The following PLEKHN1 variants were observed in gnomAD, a reference collection of about 807,000 sequenced individuals.
PLEKHN1 encodes pleckstrin homology domain containing N1, also known as pleckstrin homology domain-containing family N member 1.
In PLEKHN1, 68 loss-of-function variants were observed where a neutral mutation model predicts 72.8. The observed-to-expected ratio is 0.93, with a 90% CI of 0.77 to 1.14. PLEKHN1 has a LOEUF of 1.14. PLEKHN1 is among the 50% of genes most tolerant of loss of function. The pLI, the probability that PLEKHN1 is intolerant of heterozygous loss-of-function variation, is 0.00. For synonymous variants in PLEKHN1, 454 were observed against 371.6 expected, an observed-to-expected ratio of 1.22 and a Z score of -2.55; for missense variants, 1,015 against 840.5, an observed-to-expected ratio of 1.21 and a Z score of -2.57.
chr1:969,897 A>G (rs1375057951), intron 2 of PLEKHN1, among the ~76,000 whole-genome samples: 1 of 151,434 alleles, frequency 6.6e-6, no homozygotes, highest in Admixed American at 6.6e-5. Context: ...ATGTATGCAT[A>G]TATGTATGCA....
rs1248946846 is a variant in PLEKHN1, at chr1:972,929, G to T, written c.1071G>T (p.Ala357=). ...GQTSWDSGCL[A]PPSTRTSHSL... The stretch of plus-strand genomic sequence containing the variant: ...CCAGCTGGGACTCGGGGTGCTTGGC[G>T]CCCCCCTCCACCCGCACCAGCCACT... Residue 357 remains alanine (A), a synonymous_variant, in exon 11 of 16, where the codon GCG becomes GCT. Coordinates refer to ENST00000379410, the MANE Select transcript of PLEKHN1 (RefSeq NM_032129.3). The T allele has an allele frequency of 6.4e-7, 1 of 1,560,652 alleles. No homozygotes were observed. The highest frequency in any genetic ancestry group is 1.4e-5 in the African/African-American group (1 of 73,678).
At chr1:972,805 G>C (rs1643408444) in intron 10 of PLEKHN1, 56 bp from the exon 11 acceptor site, 1 of 1,485,838 alleles carries the variant, frequency 6.7e-7, no homozygotes, top group East Asian at 2.5e-5. Flanking sequence ...GGTCCAGGCA[G>C]GGGCGGGTGG....
Position 973,176 on chromosome 1 carries a change from G to T in PLEKHN1, c.1153-10G>T. 1 of 1,508,412 alleles carries T rather than the reference G, an allele frequency of 6.6e-7. No individual in the cohort carries two copies. The highest frequency in any genetic ancestry group is 8.9e-7 in the Non-Finnish European group (1 of 1,119,382). The allele number at this position is 1,508,412 out of a possible 1,614,324, so 93.4% of individuals were successfully genotyped here. On this transcript the variant is annotated splice_polypyrimidine_tract_variant and intron_variant, in intron 11 of 15. Transcript: ENST00000379410. Reference sequence around the variant, plus strand: ...AAGGGCTCTTCCTGGAAGGTTTGTGGTCCCCACAGGACCAGGCCAACTCTG... The same window carrying T: ...AAGGGCTCTTCCTGGAAGGTTTGTGTTCCCCACAGGACCAGGCCAACTCTG...
At position 966,739 on chromosome 1, in the gene PLEKHN1, GC is replaced by G. The variant is rs1448729457; in HGVS notation, c.123del (p.Glu42ArgfsTer37). 1 of 1,575,334 alleles carries G rather than the reference GC, an allele frequency of 6.3e-7. No individual in the cohort carries two copies. Among genetic ancestry groups the G allele is most frequent in the Admixed American group, 1.8e-5 (1 of 55,044 alleles). ...DSARMSAGLP[G>X]PEAARSGDAA... ...GCGCGGATGTCGGCCGGCCTGCCGG[GC>G]CCCGAGGCTGCTCGAAGCGGGGACG... On this transcript the variant is annotated frameshift_variant, in exon 2 of 16. Coordinates refer to ENST00000379410, the MANE Select transcript of PLEKHN1 (RefSeq NM_032129.3). LOFTEE classifies it high-confidence loss of function.
chr1:974,511 C>T lies in PLEKHN1; in HGVS notation c.1772C>T (p.Ser591Phe). The stretch of plus-strand genomic sequence containing the variant: ...CTCTGGGACGAGACTTTGTCTTCCT[C>T]CCACCAGAAGTGCCCCCAGCTTGGA... ...DHLWDETLSS[S>F]HQKCPQLGGP... Residue 591 changes from serine to phenylalanine, a missense_variant, in exon 16 of 16, where the codon TCC (serine) becomes TTC (phenylalanine). Transcript: ENST00000379410. 1 of 1,612,654 alleles carries T rather than the reference C, an allele frequency of 6.2e-7. No individual in the cohort carries two copies. The highest frequency in any genetic ancestry group is 1.1e-5 in the South Asian group (1 of 91,076).
Position 970,522 on chromosome 1 carries a change from A to T in PLEKHN1, c.332A>T (p.Asp111Val). Residue 111 changes from aspartate (D) to valine (V), a missense_variant and splice_region_variant, in exon 4 of 16, where the codon GAT becomes GTT. Coordinates refer to ENST00000379410, the MANE Select transcript of PLEKHN1 (RefSeq NM_032129.3). The surrounding 1 kb of genome is among the most constrained non-coding windows in gnomAD (Gnocchi z 4.2). ...KVQLRFQHSQ[D>V]VSDCYLELFP... is the part of the protein sequence containing the mutation. ...CTGACGACCCTGCTCCCCGCGCAGG[A>T]TGTCAGCGACTGCTACCTGGAGCTA... 1 of 1,613,104 alleles carries T rather than the reference A, an allele frequency of 6.2e-7. No individual in the cohort carries two copies. Among genetic ancestry groups the T allele is most frequent in the Non-Finnish European group, 8.5e-7 (1 of 1,179,946 alleles).
Position 973,245 on chromosome 1 carries a change from T to C in PLEKHN1, c.1212T>C (p.Ser404=). ...GACGGAGGACCGAGCTGAGACGCAGTGGCAGCAGCCGGTCACCCGGGAGCA... is the reference window on the plus strand; with the variant it reads ...GACGGAGGACCGAGCTGAGACGCAGCGGCAGCAGCCGGTCACCCGGGAGCA... The part of the protein sequence containing the change: ...IGRRRTELRR[S]GSSRSPGSKA... The change falls in exon 12 of 16, where the codon AGT becomes AGC. Residue 404 remains serine, a synonymous_variant. Transcript: ENST00000379410. 6.5e-7 allele frequency: 1 copy of C among 1,542,968 alleles called. No homozygotes were observed. The highest frequency in any genetic ancestry group is 8.8e-7 in the Non-Finnish European group (1 of 1,141,146).
Position 974,364 on chromosome 1 carries a change from GGTGA to G in PLEKHN1, c.1702+3_1702+6del, listed in dbSNP as rs1296473152. On this transcript the variant is annotated splice_donor_variant and splice_donor_region_variant and intron_variant, in intron 15 of 15. Transcript: ENST00000379410. LOFTEE classifies it high-confidence loss of function. Reference sequence around the variant, plus strand: ...GCCCGAACCCTGGCTGCCTCTGACAGGTGAGTAAGGATCCTGCCTCCTGAGGTGA... The same window carrying G: ...GCCCGAACCCTGGCTGCCTCTGACAGGTAAGGATCCTGCCTCCTGAGGTGA... The G allele has an allele frequency of 1.9e-6, 3 of 1,612,920 alleles. No homozygotes were observed. Among genetic ancestry groups the G allele is most frequent in the Non-Finnish European group, 2.5e-6 (3 of 1,180,012 alleles).
Position 971,662 on chromosome 1 carries a change from G to A in PLEKHN1, c.789+258G>A, listed in dbSNP as rs1289199688. Reference sequence around the variant, plus strand: ...CATGGGGCTGAGAGCCCCTCCCGGGGACTCCCTTGTGTGTGCCTGCCCGTG... The same window carrying A: ...CATGGGGCTGAGAGCCCCTCCCGGGAACTCCCTTGTGTGTGCCTGCCCGTG... On this transcript the variant is annotated intron_variant, in intron 8 of 15. Coordinates refer to ENST00000379410, the MANE Select transcript of PLEKHN1 (RefSeq NM_032129.3). The A allele has an allele frequency of 6.7e-6, 4 of 596,124 alleles. No individual in the cohort carries two copies. The African/African-American group carries it at 7.4e-5, about 11-fold the overall frequency. The allele number at this position is 596,124 out of a possible 1,614,324, so 36.9% of individuals were successfully genotyped here.
chr1:974,182 C>A, intron 14 of PLEKHN1, 131 bp downstream of exon 14: 1 of 1,497,498 alleles, frequency 6.7e-7, no homozygotes, highest in Non-Finnish European at 9.2e-7. Context: ...GCCAGGGGGG[C>A]CAGTAGGGAG....
chr1:971,355 C>A lies in PLEKHN1; in HGVS notation c.740C>A (p.Pro247Gln). Residue 247 changes from proline (P) to glutamine (Q), a missense_variant, in exon 8 of 16, where the codon CCA becomes CAA. Pro to Gln is a moderately conservative substitution (Grantham distance 76). Transcript: ENST00000379410. The part of the protein sequence containing the change: ...EQWDRLLVLY[P>Q]TSLAIFSEEL... ...TGGGACCGGCTCTTGGTCCTGTACCCAACGTCCTTGGCCATTTTCTCCGAG... is the reference window on the plus strand; with the variant it reads ...TGGGACCGGCTCTTGGTCCTGTACCAAACGTCCTTGGCCATTTTCTCCGAG... 1 of 1,590,798 alleles carries A rather than the reference C, an allele frequency of 6.3e-7. No individual in the cohort carries two copies. Among genetic ancestry groups the A allele is most frequent in the East Asian group, 2.3e-5 (1 of 43,668 alleles).
At position 971,009 on chromosome 1, in the gene PLEKHN1, C is replaced by G; in HGVS notation, c.612+3C>G. 6.2e-7 allele frequency: 1 copy of G among 1,600,176 alleles called. No homozygotes were observed. The highest frequency in any genetic ancestry group is 8.5e-7 in the Non-Finnish European group (1 of 1,173,946). Reference sequence around the variant, plus strand: ...GCTGCCACTCGGCACCCCCACAGGTCAGTGCCGGGGACCCCACCCCCCTCC... The same window carrying G: ...GCTGCCACTCGGCACCCCCACAGGTGAGTGCCGGGGACCCCACCCCCCTCC... On this transcript the variant is annotated splice_donor_region_variant and intron_variant, in intron 6 of 15. Coordinates refer to ENST00000379410, the MANE Select transcript of PLEKHN1 (RefSeq NM_032129.3).
In PLEKHN1 at chr1:970,432, C is replaced by T. The variant is rs754206781; in HGVS notation, c.330+9C>T. 24 of 1,613,112 alleles carry T rather than the reference C, an allele frequency of 1.5e-5. No homozygotes were observed. Among genetic ancestry groups the T allele is most frequent in the African/African-American group, 2.7e-5 (2 of 74,888 alleles). On this transcript the variant is annotated intron_variant, in intron 3 of 15. Coordinates refer to ENST00000379410, the MANE Select transcript of PLEKHN1 (RefSeq NM_032129.3). This position sits in a 1 kb window ranked among gnomAD's most constrained non-coding sequence, Gnocchi z 4.2. Reference sequence around the variant, plus strand: ...GGTTCCAGCACAGCCAGGTGGGGGCCGGGCTGGGTGGAGCACGCTAAGGGT... The same window carrying T: ...GGTTCCAGCACAGCCAGGTGGGGGCTGGGCTGGGTGGAGCACGCTAAGGGT...
chr1:974,680 TG>T lies in PLEKHN1; in HGVS notation c.*111del, dbSNP rs952069693. The T allele has an allele frequency of 1.5e-6, 2 of 1,338,894 alleles. No homozygotes were observed. Among genetic ancestry groups the T allele is most frequent in the South Asian group, 1.4e-5 (1 of 69,854 alleles). The allele number at this position is 1,338,894 out of a possible 1,614,324, so 82.9% of individuals were successfully genotyped here. On this transcript the variant is annotated 3_prime_UTR_variant, in exon 16 of 16. Coordinates refer to ENST00000379410, the MANE Select transcript of PLEKHN1 (RefSeq NM_032129.3). ...AAGTCAGGGTCTGAACCCAGTGTGATGGGGGGAGTCTCTGGGGCCCTGAGTT... is the reference window on the plus strand; with the variant it reads ...AAGTCAGGGTCTGAACCCAGTGTGATGGGGGAGTCTCTGGGGCCCTGAGTT...
rs569670714 is a variant in PLEKHN1, at chr1:969,411, G to A, written c.184-866G>A. 2.6e-5 allele frequency among the ~76,000 whole-genome samples: 4 copies of A among 152,270 alleles called. No homozygotes were observed. The South Asian group carries it at 8.3e-4, about 32-fold the overall frequency. On this transcript the variant is annotated intron_variant, in intron 2 of 15. Transcript: ENST00000379410. ...CACATCTGTGTGTATATGCACAGGT[G>A]TATGTATACGTGTGTGTTGGTGTAT... is the stretch of plus-strand genomic sequence containing the variant.
Position 970,936 on chromosome 1 carries a change from G to A in PLEKHN1, c.542G>A (p.Trp181Ter). 1 of 1,610,256 alleles carries A rather than the reference G, an allele frequency of 6.2e-7. No homozygotes were observed. The highest frequency in any genetic ancestry group is 8.5e-7 in the Non-Finnish European group (1 of 1,179,492). Residue 181 changes from tryptophan (W) to a stop codon, truncating the protein, a stop_gained, in exon 6 of 16, where the codon TGG becomes TAG. Coordinates refer to ENST00000379410, the MANE Select transcript of PLEKHN1 (RefSeq NM_032129.3). LOFTEE classifies it high-confidence loss of function. The surrounding 1 kb of genome is among the most constrained non-coding windows in gnomAD (Gnocchi z 4.2). ...CCCAGCCGGGCCGAGCTGGACCGCT[G>A]GCTTTACCACCTGGAGAAGCAGACG... ...LCPSRAELDRWLYHLEKQTAL... is the reference protein window; with the variant it reads ...LCPSRAELDR
chr1:975,856 C>G lies in PLEKHN1; in HGVS notation c.*1281C>G. 1 of 344,474 alleles carries G rather than the reference C, an allele frequency of 2.9e-6. No homozygotes were observed. The highest frequency in any genetic ancestry group is 5.3e-6 in the Non-Finnish European group (1 of 188,394). The allele number at this position is 344,474 out of a possible 1,614,324, so 21.3% of individuals were successfully genotyped here. On this transcript the variant is annotated 3_prime_UTR_variant, in exon 16 of 16. Coordinates refer to ENST00000379410, the MANE Select transcript of PLEKHN1 (RefSeq NM_032129.3). ...AACAACAACTTCTTAGTAAAATGAC[C>G]TCCCCACTATTGCCTGTCTGAAATT...
In PLEKHN1 at chr1:971,174, C is replaced by A. The variant is rs775802672; in HGVS notation, c.674C>A (p.Ala225Asp). 6.3e-7 allele frequency: 1 copy of A among 1,596,058 alleles called. No individual in the cohort carries two copies. Among genetic ancestry groups the A allele is most frequent in the Non-Finnish European group, 8.5e-7 (1 of 1,172,292 alleles). The change falls in exon 7 of 16, where the codon GCC becomes GAC. Residue 225 changes from alanine to aspartate, a missense_variant. Transcript: ENST00000379410. ...GAACCCGGCGGCAGTGCTGTCTGTG[C>A]CTCGAGGGTCAAGCTGCAGCACCTG... ...GHEPGGSAVC[A>D]SRVKLQHLPA...
At chr1:972,523 T>C in intron 10 of PLEKHN1, 99 bp downstream of exon 10, 1 of 1,382,514 alleles carries the variant, frequency 7.2e-7, no homozygotes, top group Non-Finnish European at 9.6e-7. Flanking sequence ...CCCAGCATTT[T>C]AGGAGGCTGA....
Sources: allele counts gnomAD v4.1 joint callset (sites outside exome capture counted in the v4.1 genomes callset), GRCh38; gene constraint gnomAD v4.1.1; non-coding constraint Gnocchi (gnomAD v3.1); transcripts MANE v1.5; gene names NCBI Gene and HGNC (gene_info 2026-07-23, HGNC 2026-07-21).